Variants in DGKG observed in about 807,000 individuals in gnomAD.
DGKG encodes diacylglycerol kinase gamma, also known as DAG kinase gamma.
Under a neutral mutation model 105.3 loss-of-function variants are expected in DGKG, and 78 were observed. That is an observed-to-expected ratio of 0.74 (90% CI 0.62 to 0.89). DGKG has a LOEUF of 0.89. Ranked by LOEUF, DGKG falls within the 40% of genes least tolerant of loss-of-function variation. DGKG has a pLI of 0.00. For synonymous variants in DGKG, 346 were observed against 367.1 expected, an observed-to-expected ratio of 0.94 and a Z score of 0.66; for missense variants, 958 against 1,020.1, an observed-to-expected ratio of 0.94 and a Z score of 0.83.
intron 2 of DGKG, chr3:186,313,570 T>C (rs1241423954): frequency 1.0e-6 from 1 of 974,932 alleles, no homozygotes; most frequent in East Asian, 1.1e-4. Context: ...AAAAGTGTGG[T>C]CCCTGGACCA....
chr3:186,247,476 T>C (rs932924893), intron 19 of DGKG, among the ~76,000 whole-genome samples: 2 of 152,194 alleles, frequency 1.3e-5, no homozygotes, highest in African/African-American at 4.8e-5. Flanking sequence ...TCTTTGCCAG[T>C]GGAGTCCGCC....
chr3:186,151,246 T>C (rs1191249920), intron 24 of DGKG, among the ~76,000 whole-genome samples: 1 of 152,208 alleles, frequency 6.6e-6, no homozygotes, highest in Admixed American at 6.5e-5. Context: ...CCTTGTCTTA[T>C]GGAGAAAGAG....
intron 20 of DGKG, among the ~76,000 whole-genome samples, chr3:186,227,694 T>G (rs1044665512): frequency 6.6e-6 from 1 of 152,264 alleles, no homozygotes; most frequent in Non-Finnish European, 1.5e-5. Context: ...TAGTAAATGT[T>G]GATTTAAGTG....
intron 20 of DGKG, among the ~76,000 whole-genome samples, chr3:186,228,887 T>A (rs1429903001): frequency 6.6e-6 from 1 of 151,992 alleles, no homozygotes; most frequent in African/African-American, 2.4e-5. Context: ...CTGAATTGTG[T>A]CCCCCCCAAA....
chr3:186,343,587 T>A (rs991097460), intron 1 of DGKG, among the ~76,000 whole-genome samples: 2 of 152,174 alleles, frequency 1.3e-5, no homozygotes, highest in African/African-American at 4.8e-5. Flanking sequence ...ACCTGGACTA[T>A]CTTATTTTTA....
intron 1 of DGKG, among the ~76,000 whole-genome samples, chr3:186,353,011 C>A (rs1560169074): frequency 6.6e-6 from 1 of 152,204 alleles, no homozygotes; most frequent in Non-Finnish European, 1.5e-5. Context: ...TTCTGACTCA[C>A]AGTTTTTGCT....
rs1727213866 is a variant in DGKG at position 186,361,210 on chromosome 3, T to C, written c.-249+736A>G. 6.6e-6 allele frequency among the ~76,000 whole-genome samples: 1 copy of C among 152,178 alleles called. No homozygotes were observed. The highest frequency in any genetic ancestry group is 1.5e-5 in the Non-Finnish European group (1 of 68,012). On this transcript the variant is annotated intron_variant, in intron 1 of 24. Transcript: ENST00000265022. This position sits in a 1 kb window ranked among gnomAD's most constrained non-coding sequence, Gnocchi z 6.8. ...AATCACCTGTAGGGCTTTTTAGAAC[T>C]CCACAGCCCCCTCCCCTAATTCTAT...
intron 20 of DGKG, among the ~76,000 whole-genome samples, chr3:186,236,444 T>G (rs1489826184): frequency 6.6e-6 from 1 of 152,224 alleles, no homozygotes; most frequent in Non-Finnish European, 1.5e-5. Flanking sequence ...ACTAAATACT[T>G]ATAGCAACAT....
At chr3:186,244,392 A>C (rs1048816554) in intron 19 of DGKG, among the ~76,000 whole-genome samples, 5 of 149,898 alleles carry the variant, frequency 3.3e-5, no homozygotes, top group African/African-American at 1.2e-4. Context: ...TAAAATTTAA[A>C]CTTTAGCTAT....
chr3:186,200,216 G>C (rs1447012026), intron 21 of DGKG, among the ~76,000 whole-genome samples: 1 of 152,162 alleles, frequency 6.6e-6, no homozygotes, highest in Non-Finnish European at 1.5e-5. Context: ...CCAGCCCTAT[G>C]AAAGGCAGCC....
chr3:186,147,253 G>A lies in DGKG; in HGVS notation c.*2837C>T, dbSNP rs749057081. On this transcript the variant is annotated 3_prime_UTR_variant, in exon 25 of 25. Coordinates refer to ENST00000265022, the MANE Select transcript of DGKG (RefSeq NM_001346.3). ...TGGGGTAGAAGCATGGGGGGCAGGT[G>A]AGAACATGTTTGTAGCATGGCCAGA... 219 of 985,860 alleles carry A rather than the reference G, an allele frequency of 2.2e-4. 1 individual carries two copies. The Middle Eastern group carries it at 3.1e-3, about 14-fold the overall frequency. 61.1% of individuals were successfully genotyped at this position (985,860 alleles called of 1,614,324 possible).
rs16860713 is a variant in DGKG, at chr3:186,321,171, T to C, written c.-248-464A>G. Among the ~76,000 whole-genome samples the C allele has an allele frequency of 8.9e-3, 1,354 of 152,326 alleles. 27 individuals are homozygous for C. The highest frequency in any genetic ancestry group is 0.031 in the African/African-American group (1,305 of 41,576). ...GTGACTGAAGCAGTTCTCTGTCCTCTTAGAGCCATAAAAAGGGAGTTAGAG... is the reference window on the plus strand; with the variant it reads ...GTGACTGAAGCAGTTCTCTGTCCTCCTAGAGCCATAAAAAGGGAGTTAGAG... On this transcript the variant is annotated intron_variant, in intron 1 of 24. Coordinates refer to ENST00000265022, the MANE Select transcript of DGKG (RefSeq NM_001346.3).
intron 10 of DGKG, among the ~76,000 whole-genome samples, chr3:186,274,524 C>T (rs1300661719): frequency 2.1e-5 from 3 of 144,434 alleles, no homozygotes; most frequent in Non-Finnish European, 4.6e-5. Context: ...TCTCCTAATG[C>T]TATCCCTCCC....
chr3:186,248,922 CT>C (rs1247756977), intron 19 of DGKG, among the ~76,000 whole-genome samples: 18 of 152,168 alleles, frequency 1.2e-4, no homozygotes, highest in Non-Finnish European at 2.5e-4. Flanking sequence ...GCAGTAGGTA[CT>C]CAATAAATGT....
At chr3:186,293,011 A>T (rs1723381577) in intron 5 of DGKG, among the ~76,000 whole-genome samples, 1 of 152,198 alleles carries the variant, frequency 6.6e-6, no homozygotes, top group Non-Finnish European at 1.5e-5. Context: ...AAACTAGAAG[A>T]GGGTCCAGAG....
intron 1 of DGKG, among the ~76,000 whole-genome samples, chr3:186,335,334 G>A (rs1438000438): frequency 6.6e-6 from 1 of 152,114 alleles, no homozygotes; most frequent in Non-Finnish European, 1.5e-5. Flanking sequence ...CTTGGCCTAA[G>A]CAGTCAGTTC....
At chr3:186,224,584 G>A (rs1419198106) in intron 20 of DGKG, among the ~76,000 whole-genome samples, 1 of 152,136 alleles carries the variant, frequency 6.6e-6, no homozygotes, top group East Asian at 1.9e-4. Context: ...GGGATTCTGT[G>A]GTCAGGTAAA....
chr3:186,312,250 T>C (rs1296450002), intron 2 of DGKG, among the ~76,000 whole-genome samples: 1 of 148,094 alleles, frequency 6.8e-6, no homozygotes, highest in African/African-American at 2.5e-5. Context: ...TGAAAATCCA[T>C]ATATGAGAGT....
intron 22 of DGKG, among the ~76,000 whole-genome samples, chr3:186,166,748 T>G (rs1282556242): frequency 6.7e-6 from 1 of 149,806 alleles, no homozygotes; most frequent in Admixed American, 6.7e-5. Flanking sequence ...GGTTTGAGGG[T>G]TGATGTTGGG....
Sources: allele counts gnomAD v4.1 joint callset (sites outside exome capture counted in the v4.1 genomes callset), GRCh38; gene constraint gnomAD v4.1.1; non-coding constraint Gnocchi (gnomAD v3.1); transcripts MANE v1.5; gene names NCBI Gene and HGNC (gene_info 2026-07-23, HGNC 2026-07-21).